The following CNTN4 variants were observed in gnomAD, a reference collection of about 807,000 sequenced individuals.
CNTN4 encodes the protein contactin 4.
CNTN4 carries 77 observed loss-of-function variants against 122.5 expected under a neutral mutation model. That is an observed-to-expected ratio of 0.63 (90% CI 0.52 to 0.76). The LOEUF is 0.76. Among genes scored for constraint, CNTN4 ranks in the 30% least tolerant of loss-of-function variants. The pLI is 0.00. For missense variants in CNTN4, 1,256 were observed against 1,259.1 expected (o/e 1.00, Z 0.04); for synonymous variants, 512 against 447.0 (o/e 1.15, Z -1.83).
chr3:2,533,678 A>G (rs2077687940), intron 3 of CNTN4, among the ~76,000 whole-genome samples: 1 of 152,158 alleles, frequency 6.6e-6, no homozygotes, highest in African/African-American at 2.4e-5. Context: ...GTCAAATGGT[A>G]TTTCTAGTTC....
In CNTN4 at chr3:2,736,240, T is replaced by A; in HGVS notation, c.81T>A (p.Ile27=). The part of the protein sequence containing the change: ...LADDSTLHGP[I]FIQEPSPVMF... ...ATGATTCCACACTGCATGGCCCGAT[T>A]TTTATTCAAGAACCAAGTCCTGTAA... Residue 27 remains isoleucine (I), a synonymous_variant, in exon 5 of 25, where the codon ATT becomes ATA. Transcript: ENST00000418658. 4 of 1,613,828 alleles carry A rather than the reference T, an allele frequency of 2.5e-6. No individual in the cohort carries two copies. The highest frequency in any genetic ancestry group is 3.4e-6 in the Non-Finnish European group (4 of 1,179,824).
At chr3:2,664,193 T>G (rs1576383115) in intron 4 of CNTN4, among the ~76,000 whole-genome samples, 1 of 152,304 alleles carries the variant, frequency 6.6e-6, no homozygotes, top group African/African-American at 2.4e-5. Flanking sequence ...AAGCTATCAG[T>G]TAAGAAAACC....
At chr3:2,121,879 T>A (rs554215396) in intron 2 of CNTN4, among the ~76,000 whole-genome samples, 27 of 152,254 alleles carry the variant, frequency 1.8e-4, no homozygotes, top group African/African-American at 5.3e-4. Context: ...CCCCTTTGTA[T>A]TTTAAAATTA....
chr3:2,806,832 A>AG (rs1384524821), intron 6 of CNTN4, among the ~76,000 whole-genome samples: 3 of 152,100 alleles, frequency 2.0e-5, no homozygotes, highest in African/African-American at 4.8e-5. Flanking sequence ...GAGTTGGCAA[A>AG]GGGGGGAGTG....
intron 3 of CNTN4, among the ~76,000 whole-genome samples, chr3:2,463,042 T>A (rs2049287140): frequency 6.6e-6 from 1 of 152,178 alleles, no homozygotes; most frequent in African/African-American, 2.4e-5. Context: ...ATTTCCTTAG[T>A]CTGTGCTTTT....
intron 12 of CNTN4, among the ~76,000 whole-genome samples, chr3:2,922,011 A>G (rs2094434156): frequency 6.6e-6 from 1 of 152,204 alleles, no homozygotes; most frequent in African/African-American, 2.4e-5. Context: ...CACATGGAGG[A>G]GGACCCATAA....
chr3:2,432,979 T>C (rs193105216), intron 3 of CNTN4, among the ~76,000 whole-genome samples: 1 of 151,718 alleles, frequency 6.6e-6, no homozygotes, highest in Non-Finnish European at 1.5e-5. Context: ...TCATTTGTTT[T>C]TTTGTTTGTT....
At chr3:2,309,022 G>C (rs1295613061) in intron 2 of CNTN4, among the ~76,000 whole-genome samples, 1 of 151,968 alleles carries the variant, frequency 6.6e-6, no homozygotes, top group African/African-American at 2.4e-5. Flanking sequence ...TTGATCTTCT[G>C]TCTGATTTTC....
intron 3 of CNTN4, among the ~76,000 whole-genome samples, chr3:2,371,477 T>A (rs2045631650): frequency 1.4e-5 from 2 of 143,620 alleles, no homozygotes; most frequent in Admixed American, 1.4e-4. Context: ...TCTGTCTGTC[T>A]CAGCATCTTG....
chr3:2,239,434 A>T, intron 2 of CNTN4, among the ~76,000 whole-genome samples: 1 of 152,182 alleles, frequency 6.6e-6, no homozygotes, highest in East Asian at 1.9e-4. Context: ...AAATGACCAA[A>T]TTACAACAAA....
At chr3:2,996,741 A>G (rs1190404845) in intron 14 of CNTN4, among the ~76,000 whole-genome samples, 1 of 152,068 alleles carries the variant, frequency 6.6e-6, no homozygotes, top group Non-Finnish European at 1.5e-5. Context: ...AAAACCTCAC[A>G]TGTTTCATTC....
rs575558196 is a variant in CNTN4 at position 3,045,367 on chromosome 3, G to A, written c.2811+1663G>A. Among the ~76,000 whole-genome samples, 29 of 152,342 alleles carry A rather than the reference G, an allele frequency of 1.9e-4. No individual in the cohort carries two copies. In the Middle Eastern group the frequency reaches 0.01, roughly 54 times the overall value. ...CCCTGACCCCCGAGTAGCCTAACTG[G>A]GAGGTACCCCCCAGTAGGGGCAGAC... is the stretch of plus-strand genomic sequence containing the variant. On this transcript the variant is annotated intron_variant, in intron 23 of 24. Coordinates refer to ENST00000418658, the MANE Select transcript of CNTN4 (RefSeq NM_175607.3).
intron 3 of CNTN4, among the ~76,000 whole-genome samples, chr3:2,520,830 G>T (rs1471194475): frequency 5.3e-5 from 8 of 152,064 alleles, no homozygotes; most frequent in Non-Finnish European, 1.2e-4. Context: ...GAATCACCAG[G>T]TGGTCCCATC....
At position 2,100,071 on chromosome 3, in the gene CNTN4, C is replaced by T. The variant is rs180843984; in HGVS notation, c.-226-487C>T. On this transcript the variant is annotated intron_variant, in intron 1 of 24. Transcript: ENST00000418658. Reference sequence around the variant, plus strand: ...CTGGCCAGGGTCTGCAGATTCGGTGCGAAGAAGCTGGCGGAGGTTGTGTAG... The same window carrying T: ...CTGGCCAGGGTCTGCAGATTCGGTGTGAAGAAGCTGGCGGAGGTTGTGTAG... Among the ~76,000 whole-genome samples the T allele has an allele frequency of 8.5e-5, 13 of 152,210 alleles. No individual in the cohort carries two copies. In the South Asian group the frequency reaches 2.7e-3, roughly 32 times the overall value.
intron 4 of CNTN4, among the ~76,000 whole-genome samples, chr3:2,708,459 G>C (rs1004037800): frequency 3.3e-5 from 5 of 152,144 alleles, no homozygotes; most frequent in Non-Finnish European, 7.4e-5. Flanking sequence ...GAGGGGATAC[G>C]TTCTCTAGAT....
chr3:2,396,887 C>T (rs1358691282), intron 3 of CNTN4, among the ~76,000 whole-genome samples: 1 of 152,046 alleles, frequency 6.6e-6, no homozygotes, highest in Non-Finnish European at 1.5e-5. Context: ...TGTCATTCTT[C>T]CCATTTAGTG....
At chr3:2,118,418 G>T (rs2033516092) in intron 2 of CNTN4, among the ~76,000 whole-genome samples, 1 of 152,212 alleles carries the variant, frequency 6.6e-6, no homozygotes, top group South Asian at 2.1e-4. Flanking sequence ...TTATTGCAAG[G>T]AAGGTGAATC....
intron 2 of CNTN4, among the ~76,000 whole-genome samples, chr3:2,197,126 A>C (rs1186857521): frequency 6.6e-6 from 1 of 151,968 alleles, no homozygotes; most frequent in East Asian, 1.9e-4. Context: ...CAAGGAAGAA[A>C]CTTTCTTGAA....
chr3:2,422,232 C>T (rs1045437164), intron 3 of CNTN4, among the ~76,000 whole-genome samples: 10 of 152,166 alleles, frequency 6.6e-5, no homozygotes, highest in African/African-American at 2.4e-4. Flanking sequence ...TGCTCCTTAA[C>T]CTGGGTTCCA....
Sources: allele counts gnomAD v4.1 joint callset (sites outside exome capture counted in the v4.1 genomes callset), GRCh38; gene constraint gnomAD v4.1.1; transcripts MANE v1.5; gene names NCBI Gene and HGNC (gene_info 2026-07-23, HGNC 2026-07-21).